MIEF2: variants seen among roughly 807,000 people sequenced by gnomAD.
MIEF2 encodes the protein mitochondrial dynamics protein MID49.
MIEF2 carries 1 observed loss-of-function variant against 7.4 expected under a neutral mutation model. That is an observed-to-expected ratio of 0.14 (90% confidence interval 0.05 to 0.64). The LOEUF is 0.64. Among genes scored for constraint, MIEF2 ranks in the 30% least tolerant of loss-of-function variants. MIEF2 has a pLI of 0.85. For synonymous variants in MIEF2, 275 were observed against 290.5 expected (o/e 0.95, Z 0.54); for missense variants, 569 against 623.9 (o/e 0.91, Z 0.94).
Position 18,265,694 on chromosome 17 carries a change from C to T in MIEF2, c.*930C>T, listed in dbSNP as rs575422826. 6.6e-6 allele frequency: 1 copy of T among 152,620 alleles called. No homozygotes were observed. The highest frequency in any genetic ancestry group is 2.1e-4 in the South Asian group (1 of 4,826). 9.5% of individuals were successfully genotyped at this position (152,620 alleles called of 1,614,324 possible). A position where few individuals can be genotyped will look rare whatever the true frequency, so the allele number is the denominator to read the frequency against. On this transcript the variant is annotated 3_prime_UTR_variant, in exon 4 of 4. Coordinates refer to ENST00000323019, the MANE Select transcript of MIEF2 (RefSeq NM_139162.4). Reference sequence around the variant, plus strand: ...CCTCCCCTCCCAAGTGACCCTCCTCCTGCCTCTGGTATCCTTCCTTTTGAA... The same window carrying T: ...CCTCCCCTCCCAAGTGACCCTCCTCTTGCCTCTGGTATCCTTCCTTTTGAA...
chr17:18,262,803 C>A lies in MIEF2; in HGVS notation c.83C>A (p.Ala28Asp). 6.3e-7 allele frequency: 1 copy of A among 1,580,494 alleles called. No individual in the cohort carries two copies. Among genetic ancestry groups the A allele is most frequent in the Non-Finnish European group, 8.6e-7 (1 of 1,163,628 alleles). ...ATGGTGGACTTCCTCCTGGCCAATG[C>A]CCGCCTGGTGCTGGGCGTGGGCGGG... Reference protein sequence around the residue: ...GSMVDFLLANARLVLGVGGAA... With the variant: ...GSMVDFLLANDRLVLGVGGAA... Residue 28 changes from alanine (A) to aspartate (D), a missense_variant, in exon 2 of 4, where the codon GCC (alanine) becomes GAC (aspartate). Coordinates refer to ENST00000323019, the MANE Select transcript of MIEF2 (RefSeq NM_139162.4).
At chr17:18,261,036 C>T (rs1597936230) in intron 1 of MIEF2, 2 of 1,461,428 alleles carry the variant, frequency 1.4e-6, no homozygotes, top group Non-Finnish European at 9.4e-7. Flanking sequence ...GCCTCCAGGG[C>T]CCCGCTGCGC....
chr17:18,261,426 CT>C (rs1390095822), intron 1 of MIEF2, among the ~76,000 whole-genome samples: 1 of 152,230 alleles, frequency 6.6e-6, no homozygotes, highest in Non-Finnish European at 1.5e-5. Flanking sequence ...AACTGGGCCC[CT>C]GGCACCCACA....
intron 1 of MIEF2, among the ~76,000 whole-genome samples, chr17:18,262,403 G>A (rs1233026253): frequency 6.6e-6 from 1 of 152,200 alleles, no homozygotes; most frequent in East Asian, 1.9e-4. Flanking sequence ...CTTCTTTCCA[G>A]GCAGCTTTGG....
chr17:18,260,882 G>A lies in MIEF2; in HGVS notation c.-8+145G>A, dbSNP rs1978369527. 5.4e-6 allele frequency: 3 copies of A among 554,108 alleles called. No individual in the cohort carries two copies. The South Asian group carries it at 6.5e-5, about 12-fold the overall frequency. The allele number at this position is 554,108 out of a possible 1,614,324, so 34.3% of individuals were successfully genotyped here. A position where few individuals can be genotyped will look rare whatever the true frequency, so the allele number is the denominator to read the frequency against. On this transcript the variant is annotated intron_variant, in intron 1 of 3. Transcript: ENST00000323019. Reference sequence around the variant, plus strand: ...CTTTGGGGGACCAAGGGCAGCGTTCGAATCCTAGCCCAGCCCCCTTCCCCT... The same window carrying A: ...CTTTGGGGGACCAAGGGCAGCGTTCAAATCCTAGCCCAGCCCCCTTCCCCT...
intron 1 of MIEF2, among the ~76,000 whole-genome samples, chr17:18,261,330 T>A (rs72831943): frequency 0.12 from 18,619 of 152,108 alleles, 1,270 homozygotes; most frequent in South Asian, 0.18. Flanking sequence ...CGTCTTATTT[T>A]TAGTCTGGGG....
chr17:18,260,760 C>A (rs372096670), intron 1 of MIEF2, 23 bp downstream of exon 1: 3 of 261,858 alleles, frequency 1.1e-5, no homozygotes, highest in East Asian at 9.6e-5. Flanking sequence ...CGCGGCGGGG[C>A]GGCCCCCAGG....
Position 18,263,915 on chromosome 17 carries a change from C to G in MIEF2, c.516C>G (p.Pro172=). The G allele has an allele frequency of 6.3e-7, 1 of 1,599,914 alleles. No homozygotes were observed. The highest frequency in any genetic ancestry group is 8.5e-7 in the Non-Finnish European group (1 of 1,178,394). ...AYFRSKFPEL[P]FGAFVPGGPL... Reference sequence around the variant, plus strand: ...TTCGGAGCAAGTTCCCGGAACTGCCCTTTGGGGCATTCGTGCCTGGGGGGC... The same window carrying G: ...TTCGGAGCAAGTTCCCGGAACTGCCGTTTGGGGCATTCGTGCCTGGGGGGC... The change falls in exon 4 of 4, where the codon CCC becomes CCG. Residue 172 remains proline, a synonymous_variant. Coordinates refer to ENST00000323019, the MANE Select transcript of MIEF2 (RefSeq NM_139162.4).
At position 18,263,696 on chromosome 17, in the gene MIEF2, C is replaced by G. The variant is rs1331066801; in HGVS notation, c.311-14C>G. 6.4e-7 allele frequency: 1 copy of G among 1,552,908 alleles called. No individual in the cohort carries two copies. Among genetic ancestry groups the G allele is most frequent in the Non-Finnish European group, 8.7e-7 (1 of 1,148,576 alleles). On this transcript the variant is annotated splice_polypyrimidine_tract_variant and intron_variant, in intron 3 of 3. Coordinates refer to ENST00000323019, the MANE Select transcript of MIEF2 (RefSeq NM_139162.4). Reference sequence around the variant, plus strand: ...AGGCTGTTCCGACATGTTCCCCGCCCCTTCACTCTGCAGAAGGGCCTGCAG... The same window carrying G: ...AGGCTGTTCCGACATGTTCCCCGCCGCTTCACTCTGCAGAAGGGCCTGCAG...
At chr17:18,261,787 G>A (rs1166215339) in intron 1 of MIEF2, among the ~76,000 whole-genome samples, 1 of 152,128 alleles carries the variant, frequency 6.6e-6, no homozygotes, top group Non-Finnish European at 1.5e-5. Context: ...TTGGCCTTCC[G>A]GCAGTTGAGA....
Position 18,265,558 on chromosome 17 carries a change from T to C in MIEF2, c.*794T>C, listed in dbSNP as rs1333955452. ...GATCCCCCACTAGAGAGGTCCGGTG[T>C]GCACAGCCGGCCTCCCAGTGTGCCA... On this transcript the variant is annotated 3_prime_UTR_variant, in exon 4 of 4. Coordinates refer to ENST00000323019, the MANE Select transcript of MIEF2 (RefSeq NM_139162.4). The C allele has an allele frequency of 6.6e-6, 1 of 152,234 alleles. No individual in the cohort carries two copies. The highest frequency in any genetic ancestry group is 2.4e-5 in the African/African-American group (1 of 41,450). The allele number at this position is 152,234 out of a possible 1,614,324, so 9.4% of individuals were successfully genotyped here.
At position 18,263,234 on chromosome 17, in the gene MIEF2, C is replaced by T. The variant is rs143691473; in HGVS notation, c.296C>T (p.Ser99Leu). The T allele has an allele frequency of 1.2e-6, 2 of 1,613,864 alleles. No homozygotes were observed. Among genetic ancestry groups the T allele is most frequent in the Admixed American group, 1.7e-5 (1 of 60,028 alleles). ...CAGCCAGTGTTGCCCTTGGCCCCCT[C>T]GTCGTCTGCCCCAGGTGAGTGGCAC... ...LSQPVLPLAP[S>L]SSAPEGPAET... The change falls in exon 3 of 4, where the codon TCG (serine) becomes TTG (leucine). Residue 99 changes from serine to leucine, a missense_variant. Transcript: ENST00000323019.
At position 18,264,652 on chromosome 17, in the gene MIEF2, C is replaced by T. The variant is rs1188775596; in HGVS notation, c.1253C>T (p.Pro418Leu). The T allele has an allele frequency of 1.2e-6, 2 of 1,612,272 alleles. No homozygotes were observed. The highest frequency in any genetic ancestry group is 1.7e-6 in the Non-Finnish European group (2 of 1,180,020). The change falls in exon 4 of 4, where the codon CCC becomes CTC. Residue 418 changes from proline to leucine, a missense_variant. Physicochemically the swap from Pro to Leu is moderately conservative, Grantham distance 98 (BLOSUM62 -3). Transcript: ENST00000323019. ...LIGSLEQASL[P>L]CHFNPSVNLF... ...GGCAGCCTGGAGCAGGCCAGCCTGCCCTGCCACTTCAACCCCAGCGTGAAC... is the reference window on the plus strand; with the variant it reads ...GGCAGCCTGGAGCAGGCCAGCCTGCTCTGCCACTTCAACCCCAGCGTGAAC...
chr17:18,264,581 G>C lies in MIEF2; in HGVS notation c.1182G>C (p.Glu394Asp). 2 of 1,610,982 alleles carry C rather than the reference G, an allele frequency of 1.2e-6. No individual in the cohort carries two copies. Among genetic ancestry groups the C allele is most frequent in the South Asian group, 1.1e-5 (1 of 91,084 alleles). Residue 394 changes from glutamate to aspartate, a missense_variant, in exon 4 of 4, where the codon GAG becomes GAC. Glu to Asp is a conservative substitution (Grantham distance 45). Transcript: ENST00000323019. ...GGGAGGACAACGTGGATTGGACGGAGGAGGCCTTGGGTGAGCGCTTCCTGC... is the reference window on the plus strand; with the variant it reads ...GGGAGGACAACGTGGATTGGACGGACGAGGCCTTGGGTGAGCGCTTCCTGC... ...RLGEDNVDWT[E>D]EALGERFLQA...
intron 1 of MIEF2, chr17:18,261,215 TG>T: frequency 6.5e-7 from 1 of 1,539,550 alleles, no homozygotes; most frequent in Non-Finnish European, 8.8e-7. Flanking sequence ...CTGGTCTCTC[TG>T]GGGGCGGGTG....
chr17:18,264,904 G>A lies in MIEF2; in HGVS notation c.*140G>A. 1 of 1,389,178 alleles carries A rather than the reference G, an allele frequency of 7.2e-7. No individual in the cohort carries two copies. Among genetic ancestry groups the A allele is most frequent in the South Asian group, 1.5e-5 (1 of 65,584 alleles). 86.1% of individuals were successfully genotyped at this position (1,389,178 alleles called of 1,614,324 possible). On this transcript the variant is annotated 3_prime_UTR_variant, in exon 4 of 4. Transcript: ENST00000323019. Reference sequence around the variant, plus strand: ...TACATTACTTAAACCCAGGGCATCAGGATGTGCTTGGGCTATGGTGGCCAT... The same window carrying A: ...TACATTACTTAAACCCAGGGCATCAAGATGTGCTTGGGCTATGGTGGCCAT...
In MIEF2 at chr17:18,263,318, A is replaced by AGTCGCG. The variant is rs752403015; in HGVS notation, c.310+70_310+71insGTCGCG. ...CGCAGCCCAGGCTTTGCCCTGACTGACTGTGTGACCCTGCGCGAGTCCCTG... is the reference window on the plus strand; with the variant it reads ...CGCAGCCCAGGCTTTGCCCTGACTGAGTCGCGCTGTGTGACCCTGCGCGAGTCCCTG... On this transcript the variant is annotated intron_variant, in intron 3 of 3. Transcript: ENST00000323019. The AGTCGCG allele has an allele frequency of 8.1e-4, 1,294 of 1,594,916 alleles. 1 individual carries two copies. Among genetic ancestry groups the AGTCGCG allele is most frequent in the Non-Finnish European group, 9.5e-4 (1,106 of 1,163,678 alleles).
chr17:18,263,885 C>T lies in MIEF2; in HGVS notation c.486C>T (p.Ala162=). 1 of 1,603,140 alleles carries T rather than the reference C, an allele frequency of 6.2e-7. No homozygotes were observed. The highest frequency in any genetic ancestry group is 1.1e-5 in the South Asian group (1 of 91,060). The change falls in exon 4 of 4, where the codon GCC becomes GCT. Residue 162 remains alanine (A), a synonymous_variant. Transcript: ENST00000323019. ...LAGDIALELQ[A]YFRSKFPELP... ...GCGACATCGCCCTGGAGCTGCAGGC[C>T]TACTTTCGGAGCAAGTTCCCGGAAC...
rs1978697867 is a variant in MIEF2, at chr17:18,265,481, C to G, written c.*717C>G. On this transcript the variant is annotated 3_prime_UTR_variant, in exon 4 of 4. Coordinates refer to ENST00000323019, the MANE Select transcript of MIEF2 (RefSeq NM_139162.4). ...TCTGTGCTGCACCCCCAGCCCACAGCTGGGGCATCTCACTGGAGCTGTTCC... is the reference window on the plus strand; with the variant it reads ...TCTGTGCTGCACCCCCAGCCCACAGGTGGGGCATCTCACTGGAGCTGTTCC... 6.6e-6 allele frequency: 1 copy of G among 152,308 alleles called. No individual in the cohort carries two copies. Among genetic ancestry groups the G allele is most frequent in the African/African-American group, 2.4e-5 (1 of 41,464 alleles). 9.4% of individuals were successfully genotyped at this position (152,308 alleles called of 1,614,324 possible).
Sources: gnomAD v4.1 joint callset for allele counts (sites outside exome capture counted in the v4.1 genomes callset) on GRCh38, gnomAD v4.1.1 for gene constraint, MANE v1.5 for transcripts, NCBI Gene and HGNC (gene_info 2026-07-23, HGNC 2026-07-21) for gene names.